The following GOLM2 variants were observed in gnomAD, a reference collection of about 807,000 sequenced individuals.
GOLM2 encodes the protein golgi membrane protein 2, also known as protein GOLM2.
Under a neutral mutation model 55.9 loss-of-function variants are expected in GOLM2, and 26 were observed. That is an observed-to-expected ratio of 0.47 (90% CI 0.34 to 0.65). The LOEUF (loss-of-function observed/expected upper bound fraction) is 0.65. Among genes scored for constraint, GOLM2 ranks in the 30% least tolerant of loss-of-function variants. The probability of loss-of-function intolerance (pLI) is 0.01; values close to 1 mark genes in which losing one functional copy is unlikely to be tolerated. For missense variants in GOLM2, 486 were observed against 531.8 expected (o/e 0.91, Z 0.85); for synonymous variants, 165 against 194.6 (o/e 0.85, Z 1.27).
Position 44,289,294 on chromosome 15 carries a change from G to T in GOLM2, c.265G>T (p.Gly89Cys), listed in dbSNP as rs540145112. Reference protein sequence around the residue: ...KQIDQKEADYGRLSSRLQARE... With the variant: ...KQIDQKEADYCRLSSRLQARE... The stretch of plus-strand genomic sequence containing the variant: ...GATCGACCAGAAGGAGGCCGACTAC[G>T]GCCGCCTCAGCAGCCGGCTGCAGGC... The change falls in exon 1 of 10, where the codon GGC becomes TGC. Residue 89 changes from glycine to cysteine, a missense_variant. Gly to Cys is a radical substitution (Grantham distance 159). Transcript: ENST00000299957. This position sits in a 1 kb window ranked among gnomAD's most constrained non-coding sequence, Gnocchi z 4.8. The T allele has an allele frequency of 7.4e-6, 12 of 1,613,148 alleles. No homozygotes were observed. The Admixed American group carries it at 1.2e-4, about 16-fold the overall frequency.
intron 1 of GOLM2, among the ~76,000 whole-genome samples, chr15:44,301,169 C>G (rs2078794866): frequency 1.3e-5 from 2 of 152,178 alleles, no homozygotes; most frequent in South Asian, 4.1e-4. Context: ...CAGCCTCAGA[C>G]TCCTGGCCTC....
At chr15:44,338,485 T>C (rs1179727419) in intron 6 of GOLM2, among the ~76,000 whole-genome samples, 168 bp downstream of exon 6, 1 of 152,232 alleles carries the variant, frequency 6.6e-6, no homozygotes, top group African/African-American at 2.4e-5. Context: ...GATCCAACTT[T>C]TATAAAATTT....
chr15:44,407,537 A>G (rs1490152537), intron 9 of GOLM2, among the ~76,000 whole-genome samples: 1 of 151,672 alleles, frequency 6.6e-6, no homozygotes, highest in Admixed American at 6.6e-5. Context: ...CGGTCTCCCA[A>G]AGTGTTCGGA....
chr15:44,310,496 ACACACC>A (rs1217481477), intron 1 of GOLM2, among the ~76,000 whole-genome samples: 15 of 140,118 alleles, frequency 1.1e-4, no homozygotes, highest in East Asian at 4.8e-4. Flanking sequence ...ATATACACAC[ACACACC>A]CACACACACA....
At chr15:44,331,323 A>G (rs2079021108) in intron 3 of GOLM2, among the ~76,000 whole-genome samples, 1 of 152,086 alleles carries the variant, frequency 6.6e-6, no homozygotes, top group South Asian at 2.1e-4. Context: ...AGCCACATAT[A>G]AGAAGTTTAA....
chr15:44,326,923 A>G (rs1227341273), intron 2 of GOLM2, among the ~76,000 whole-genome samples: 1 of 146,542 alleles, frequency 6.8e-6, no homozygotes, highest in Non-Finnish European at 1.5e-5. Context: ...AAGTGCTGGT[A>G]TTACAGGTGT....
intron 6 of GOLM2, among the ~76,000 whole-genome samples, chr15:44,349,277 C>A (rs867713572): frequency 2.1e-3 from 293 of 140,006 alleles, no homozygotes; most frequent in South Asian, 6.1e-3. Flanking sequence ...AAAAAAAAAA[C>A]CACACAAAGA....
intron 1 of GOLM2, among the ~76,000 whole-genome samples, chr15:44,314,375 A>G (rs921248399): frequency 3.9e-5 from 6 of 152,262 alleles, no homozygotes; most frequent in African/African-American, 1.4e-4. Flanking sequence ...CCTGGCCAAC[A>G]TGGTGAAACC....
At chr15:44,330,208 TA>T (rs746756627) in intron 3 of GOLM2, among the ~76,000 whole-genome samples, 194 of 81,482 alleles carry the variant, frequency 2.4e-3, no homozygotes, top group South Asian at 7.4e-3. Context: ...CTTGTCTCTT[TA>T]AAAAAAAAAA....
At chr15:44,298,292 T>G (rs1034199482) in intron 1 of GOLM2, among the ~76,000 whole-genome samples, 4 of 149,896 alleles carry the variant, frequency 2.7e-5, no homozygotes, top group African/African-American at 9.8e-5. Context: ...AGATGGAGTT[T>G]TGCTCTTGTC....
At chr15:44,377,056 G>GTTGT (rs2141190656) in intron 6 of GOLM2, among the ~76,000 whole-genome samples, 1 of 152,170 alleles carries the variant, frequency 6.6e-6, no homozygotes, top group East Asian at 1.9e-4. Context: ...AACTAGTTAA[G>GTTGT]TTGTTACAGT....
At chr15:44,394,389 A>G (rs1164277688) in intron 8 of GOLM2, among the ~76,000 whole-genome samples, 1 of 152,224 alleles carries the variant, frequency 6.6e-6, no homozygotes, top group East Asian at 1.9e-4. Flanking sequence ...AAATCTAGAT[A>G]GTATAGGTTT....
Position 44,415,518 on chromosome 15 carries a change from C to T in GOLM2, c.*2112C>T, listed in dbSNP as rs890192533. On this transcript the variant is annotated 3_prime_UTR_variant, in exon 10 of 10. Coordinates refer to ENST00000299957, the MANE Select transcript of GOLM2 (RefSeq NM_138423.4). ...CATTTTATAAACAGAAATCTTGGAC[C>T]AATTGATAATATTTCTGACTGTATT... 4 of 152,438 alleles carry T rather than the reference C, an allele frequency of 2.6e-5. No homozygotes were observed. Among genetic ancestry groups the T allele is most frequent in the African/African-American group, 9.7e-5 (4 of 41,404 alleles). 9.4% of individuals were successfully genotyped at this position (152,438 alleles called of 1,614,324 possible).
At chr15:44,325,912 T>G (rs565503007) in intron 2 of GOLM2, among the ~76,000 whole-genome samples, 61 of 152,282 alleles carry the variant, frequency 4.0e-4, no homozygotes, top group African/African-American at 1.4e-3. Flanking sequence ...TCCATCACTT[T>G]TATTTGAGAT....
intron 4 of GOLM2, among the ~76,000 whole-genome samples, chr15:44,333,659 T>C (rs2079037130): frequency 6.6e-6 from 1 of 151,992 alleles, no homozygotes; most frequent in Admixed American, 6.6e-5. Context: ...AGGTTTGCTG[T>C]TGCAATTGTG....
At chr15:44,357,520 T>A (rs2079206054) in intron 6 of GOLM2, among the ~76,000 whole-genome samples, 1 of 152,314 alleles carries the variant, frequency 6.6e-6, no homozygotes, top group Middle Eastern at 3.4e-3. Context: ...TCACCACTCC[T>A]TTTTAATATT....
chr15:44,375,597 G>C (rs563391513), intron 6 of GOLM2, among the ~76,000 whole-genome samples: 6 of 151,874 alleles, frequency 4.0e-5, no homozygotes, highest in Non-Finnish European at 7.4e-5. Flanking sequence ...GGACAACATA[G>C]TGAGACCTCC....
intron 9 of GOLM2, among the ~76,000 whole-genome samples, chr15:44,408,661 T>G (rs771699518): frequency 2.2e-4 from 33 of 152,208 alleles, no homozygotes; most frequent in Admixed American, 1.8e-3. Flanking sequence ...TATCCTGATT[T>G]CGCTTTTTAT....
At chr15:44,319,460 A>T (rs1157776936) in intron 1 of GOLM2, among the ~76,000 whole-genome samples, 1 of 152,242 alleles carries the variant, frequency 6.6e-6, no homozygotes, top group East Asian at 1.9e-4. Context: ...AGTTTGAATG[A>T]TCCTCCTGCC....
Sources: gnomAD v4.1 joint callset for allele counts (sites outside exome capture counted in the v4.1 genomes callset) on GRCh38, gnomAD v4.1.1 for gene constraint, Gnocchi (gnomAD v3.1) non-coding constraint, MANE v1.5 for transcripts, NCBI Gene and HGNC (gene_info 2026-07-23, HGNC 2026-07-21) for gene names.